RBFOX3: variants seen among roughly 807,000 people sequenced by gnomAD.
RBFOX3 encodes RNA binding protein fox-1 homolog 3.
Under a neutral mutation model 48.7 loss-of-function variants are expected in RBFOX3, and 17 were observed. The observed-to-expected ratio is 0.35, with a 90% CI of 0.24 to 0.52. RBFOX3 has a LOEUF of 0.52. RBFOX3 is among the 20% of genes least tolerant of loss of function. The pLI is 0.94. For missense variants in RBFOX3, 382 were observed against 497.5 expected, an observed-to-expected ratio of 0.77 and a Z score of 2.21; for synonymous variants, 212 against 209.5, an observed-to-expected ratio of 1.01 and a Z score of -0.10.
Position 79,090,808 on chromosome 17 carries a change from T to C in RBFOX3, c.*75A>G. ...GCTTGGATCTTAACATCTTTTTTTG[T>C]TTTTTTTGTTTTGTGATTTTTTTTG... On this transcript the variant is annotated 3_prime_UTR_variant, in exon 15 of 15. Transcript: ENST00000693108. 5.5e-6 allele frequency: 8 copies of C among 1,447,992 alleles called. No individual in the cohort carries two copies. The highest frequency in any genetic ancestry group is 7.4e-6 in the Non-Finnish European group (8 of 1,082,420). 89.7% of individuals were successfully genotyped at this position (1,447,992 alleles called of 1,614,324 possible).
chr17:79,654,124 C>T, the RBFOX3 span, among the ~76,000 whole-genome samples: 5 of 151,994 alleles, frequency 3.3e-5, no homozygotes, highest in South Asian at 2.1e-4. Flanking sequence ...GAATTGTGGA[C>T]GTATACAGCT....
chr17:79,561,914 T>C (rs1015546476), intron 1 of RBFOX3, among the ~76,000 whole-genome samples: 1 of 152,134 alleles, frequency 6.6e-6, no homozygotes. Flanking sequence ...GGGCTTCCCA[T>C]GCATGGTGCT....
At chr17:79,225,882 CAAACATAATTTAGAA>C (rs1426663391) in intron 4 of RBFOX3, among the ~76,000 whole-genome samples, 5 of 150,636 alleles carry the variant, frequency 3.3e-5, no homozygotes, top group African/African-American at 1.2e-4. Flanking sequence ...GGAGAGTCAA[CAAACATAATTTAGAA>C]AATTGTCTTG....
At chr17:79,278,115 G>A (rs1231405420) in intron 3 of RBFOX3, among the ~76,000 whole-genome samples, 2 of 152,224 alleles carry the variant, frequency 1.3e-5, no homozygotes, top group Non-Finnish European at 2.9e-5. Flanking sequence ...ATCTGGAATT[G>A]AGATGGCCCC....
chr17:79,314,666 A>G (rs1191556313), intron 2 of RBFOX3, among the ~76,000 whole-genome samples: 3 of 152,230 alleles, frequency 2.0e-5, no homozygotes, highest in African/African-American at 7.2e-5. Flanking sequence ...AACACACCAG[A>G]GCTGCAGAAA....
Position 79,344,350 on chromosome 17 carries a change from G to C in RBFOX3, c.-174-36526C>G, listed in dbSNP as rs185227574. Among the ~76,000 whole-genome samples, 3 of 152,122 alleles carry C rather than the reference G, an allele frequency of 2.0e-5. No homozygotes were observed. The East Asian group carries it at 5.8e-4, about 29-fold the overall frequency. ...CTGCCAGTGAGTACATCCTTGGAAG[G>C]CTCTACCATTCCCGAGAGCTTTCAA... On this transcript the variant is annotated intron_variant, in intron 2 of 14. Transcript: ENST00000693108.
intron 4 of RBFOX3, among the ~76,000 whole-genome samples, chr17:79,217,628 G>C (rs960949010): frequency 7.2e-5 from 11 of 152,086 alleles, no homozygotes; most frequent in African/African-American, 2.7e-4. Flanking sequence ...AGGAGGAAAT[G>C]GCATCTGGCT....
chr17:79,306,943 G>A (rs1055916382), intron 3 of RBFOX3, among the ~76,000 whole-genome samples: 3 of 152,236 alleles, frequency 2.0e-5, no homozygotes, highest in African/African-American at 7.2e-5. Context: ...CTCTTGGAGA[G>A]TCTGGCCCCA....
intron 2 of RBFOX3, among the ~76,000 whole-genome samples, chr17:79,474,749 A>G (rs1722183451): frequency 6.6e-6 from 1 of 151,806 alleles, no homozygotes; most frequent in Admixed American, 6.6e-5. Flanking sequence ...TCACCACCTG[A>G]CTCAGTCCCT....
intron 1 of RBFOX3, among the ~76,000 whole-genome samples, chr17:79,562,823 T>C (rs1181658337): frequency 1.3e-5 from 2 of 152,144 alleles, no homozygotes; most frequent in Non-Finnish European, 2.9e-5. Flanking sequence ...AATGACATGA[T>C]GATCAATGAG....
chr17:79,096,819 G>A lies in RBFOX3; in HGVS notation c.770C>T (p.Thr257Met), dbSNP rs2075358796. 4 of 791,480 alleles carry A rather than the reference G, an allele frequency of 5.1e-6. 1 individual carries two copies. Among genetic ancestry groups the A allele is most frequent in the South Asian group, 3.0e-5 (2 of 67,288 alleles). The allele number at this position is 791,480 out of a possible 1,614,324, so 49.0% of individuals were successfully genotyped here. Residue 257 changes from threonine to methionine, a missense_variant, in exon 12 of 15, where the codon ACG becomes ATG. By Grantham distance (81) the Thr-to-Met change is moderately conservative. Coordinates refer to ENST00000693108, the MANE Select transcript of RBFOX3 (RefSeq NM_001350451.2). ...IPTYGAALEQTLVKMPVPWAG... is the reference protein window; with the variant it reads ...IPTYGAALEQMLVKMPVPWAG... ...CCATGGGACTGGCATTTTAACAAGC[G>A]TTTGCTCCAGTGCCCTGTTTTGGTA...
intron 4 of RBFOX3, among the ~76,000 whole-genome samples, chr17:79,172,432 T>C (rs1391899181): frequency 6.6e-6 from 1 of 152,232 alleles, no homozygotes; most frequent in East Asian, 1.9e-4. Context: ...GGTCTGAGTC[T>C]GGTCTGAGGC....
intron 2 of RBFOX3, among the ~76,000 whole-genome samples, chr17:79,328,639 G>A (rs1473905635): frequency 6.6e-6 from 1 of 152,176 alleles, no homozygotes; most frequent in East Asian, 1.9e-4. Flanking sequence ...CACTGGCTGA[G>A]TGCACTTCTT....
At chr17:79,145,183 A>G (rs56342141) in intron 4 of RBFOX3, among the ~76,000 whole-genome samples, 32,907 of 152,078 alleles carry the variant, frequency 0.22, 3,767 homozygotes, top group Middle Eastern at 0.28. Flanking sequence ...ATTCTGTCCC[A>G]TCATCGAGCT....
chr17:79,659,700 A>G, the RBFOX3 span, among the ~76,000 whole-genome samples: 1 of 152,196 alleles, frequency 6.6e-6, no homozygotes, highest in African/African-American at 2.4e-5. Context: ...TTTGTTTAAG[A>G]AAATAATACA....
In RBFOX3 at chr17:79,252,662, G is replaced by A. The variant is rs748397201; in HGVS notation, c.-73-16857C>T. On this transcript the variant is annotated intron_variant, in intron 3 of 14. Coordinates refer to ENST00000693108, the MANE Select transcript of RBFOX3 (RefSeq NM_001350451.2). The surrounding 1 kb of genome is among the most constrained non-coding windows in gnomAD (Gnocchi z 4.0). ...CATCCAGCTCGTTTCAAGCCGCTACGTTTGTTTGCGACGGCGGCACCTAAT... is the reference window on the plus strand; with the variant it reads ...CATCCAGCTCGTTTCAAGCCGCTACATTTGTTTGCGACGGCGGCACCTAAT... 5.9e-5 allele frequency among the ~76,000 whole-genome samples: 9 copies of A among 152,202 alleles called. No individual in the cohort carries two copies. The highest frequency in any genetic ancestry group is 1.3e-4 in the Non-Finnish European group (9 of 68,048).
chr17:79,120,944 G>T (rs2035586023), intron 4 of RBFOX3, among the ~76,000 whole-genome samples: 1 of 152,078 alleles, frequency 6.6e-6, no homozygotes, highest in African/African-American at 2.4e-5. Flanking sequence ...CACCCTGAAT[G>T]ATTCATTCAG....
chr17:79,441,399 A>T (rs972524837), intron 2 of RBFOX3, among the ~76,000 whole-genome samples: 3 of 152,226 alleles, frequency 2.0e-5, no homozygotes, highest in Non-Finnish European at 4.4e-5. Context: ...AGATGAGGCC[A>T]TCCTGGATTA....
chr17:79,228,320 C>T (rs1600117116), intron 4 of RBFOX3, among the ~76,000 whole-genome samples: 1 of 152,284 alleles, frequency 6.6e-6, no homozygotes, highest in East Asian at 1.9e-4. Context: ...GCTCTCTGCA[C>T]CGTGACGCCT....
Sources: gnomAD v4.1 joint callset for allele counts (sites outside exome capture counted in the v4.1 genomes callset) on GRCh38, gnomAD v4.1.1 for gene constraint, Gnocchi (gnomAD v3.1) non-coding constraint, MANE v1.5 for transcripts, NCBI Gene and HGNC (gene_info 2026-07-23, HGNC 2026-07-21) for gene names.